The following ERC2 variants were observed in gnomAD, a reference collection of about 807,000 sequenced individuals.
ERC2 encodes ELKS/RAB6-interacting/CAST family member 2.
In ERC2, 42 loss-of-function variants were observed where a neutral mutation model predicts 114.8. The ratio of observed to expected loss-of-function variants is 0.37; its 90% CI spans 0.29 to 0.47. The LOEUF (loss-of-function observed/expected upper bound fraction) is 0.47, where lower values mean the gene tolerates loss of function less well. Among genes scored for constraint, ERC2 ranks in the 20% least tolerant of loss-of-function variants. The probability of loss-of-function intolerance (pLI) is 0.99; values close to 1 mark genes in which losing one functional copy is unlikely to be tolerated. For synonymous variants in ERC2, 454 were observed against 425.5 expected (o/e 1.07, Z -0.82); for missense variants, 939 against 1,150.7 (o/e 0.82, Z 2.66).
chr3:56,081,992 C>T (rs1457617383), intron 6 of ERC2, among the ~76,000 whole-genome samples: 1 of 152,140 alleles, frequency 6.6e-6, no homozygotes, highest in Non-Finnish European at 1.5e-5. Context: ...CAATGACAGA[C>T]TATGAGATTT....
intron 14 of ERC2, among the ~76,000 whole-genome samples, chr3:55,875,724 A>ACACACACACACACACACACACACTCT (rs1491351730): frequency 1.4e-5 from 2 of 141,022 alleles, no homozygotes; most frequent in African/African-American, 5.5e-5. Flanking sequence ...ACACACACAC[A>ACACACACACACACACACACACACTCT]CTCTCTCTCT....
chr3:55,822,802 A>T (rs1450699913), intron 14 of ERC2, among the ~76,000 whole-genome samples: 1 of 151,800 alleles, frequency 6.6e-6, no homozygotes, highest in African/African-American at 2.4e-5. Flanking sequence ...TTTGGTAGAG[A>T]CGGGGTTTCA....
chr3:55,991,014 G>C (rs371317033), intron 11 of ERC2, among the ~76,000 whole-genome samples: 20 of 152,294 alleles, frequency 1.3e-4, no homozygotes, highest in African/African-American at 4.8e-4. Flanking sequence ...AGGATCACTT[G>C]AGCCTAGAAC....
chr3:56,076,167 C>T (rs1425353927), intron 7 of ERC2, among the ~76,000 whole-genome samples: 1 of 152,128 alleles, frequency 6.6e-6, no homozygotes. Context: ...AGAGAGATCG[C>T]CATCTGTTTT....
chr3:56,294,959 A>T (rs61248828), intron 3 of ERC2, among the ~76,000 whole-genome samples: 9,250 of 152,264 alleles, frequency 0.061, 676 homozygotes, highest in African/African-American at 0.17. Flanking sequence ...TTGCAGACAC[A>T]AAAGTCTTTT....
chr3:55,733,527 TTCTTTC>T (rs1245924415), intron 15 of ERC2, among the ~76,000 whole-genome samples: 4,365 of 95,418 alleles, frequency 0.046, 140 homozygotes, highest in South Asian at 0.078. Flanking sequence ...CTGTCTCTCA[TTCTTTC>T]TCTCTCTCTC....
chr3:55,669,356 A>G (rs1428536262), intron 17 of ERC2, among the ~76,000 whole-genome samples: 2 of 152,210 alleles, frequency 1.3e-5, no homozygotes, highest in Non-Finnish European at 2.9e-5. Context: ...CCTCTCTAAG[A>G]ATACACCAAA....
chr3:56,384,384 T>G (rs192238800), intron 2 of ERC2, among the ~76,000 whole-genome samples: 1 of 152,186 alleles, frequency 6.6e-6, no homozygotes, highest in Non-Finnish European at 1.5e-5. Context: ...TTTTTTGTAA[T>G]AGCCATCTTA....
intron 6 of ERC2, among the ~76,000 whole-genome samples, chr3:56,112,355 G>A (rs2079004917): frequency 1.3e-5 from 2 of 151,894 alleles, no homozygotes; most frequent in South Asian, 4.2e-4. Flanking sequence ...AAACTTTTAA[G>A]TCATATTTAA....
chr3:55,623,589 T>C (rs1171757505), intron 17 of ERC2, among the ~76,000 whole-genome samples: 1 of 152,190 alleles, frequency 6.6e-6, no homozygotes, highest in Non-Finnish European at 1.5e-5. Context: ...ACCTCAGTCA[T>C]GCCTGGTCAC....
rs116989328 is a variant in ERC2 at position 56,223,495 on chromosome 3, C to G, written c.1075-49975G>C. Among the ~76,000 whole-genome samples, 378 of 122,152 alleles carry G rather than the reference C, an allele frequency of 3.1e-3. 1 individual carries two copies. The highest frequency in any genetic ancestry group is 0.021 in the South Asian group (78 of 3,664). The allele number at this position is 122,152 out of a possible 152,430, so 80.1% of individuals were successfully genotyped here. ...TGAATTAATAAAAGGACAACAAACT[C>G]AAAGGCTACCAAAGAAAAATGGCAA... On this transcript the variant is annotated intron_variant, in intron 3 of 17. Transcript: ENST00000288221.
chr3:55,615,784 A>G (rs1242142824), intron 17 of ERC2, among the ~76,000 whole-genome samples: 2 of 152,228 alleles, frequency 1.3e-5, no homozygotes, highest in Non-Finnish European at 2.9e-5. Context: ...GAAGCAATTC[A>G]GCAGAGGCCT....
chr3:56,404,990 G>T (rs966121716), intron 2 of ERC2, among the ~76,000 whole-genome samples: 2 of 152,156 alleles, frequency 1.3e-5, no homozygotes, highest in African/African-American at 4.8e-5. Context: ...GGGTGGGAAG[G>T]TTTGGGAGAA....
At position 56,076,297 on chromosome 3, in the gene ERC2, G is replaced by C. The variant is rs568314904; in HGVS notation, c.1641+4520C>G. Among the ~76,000 whole-genome samples, 3 of 152,252 alleles carry C rather than the reference G, an allele frequency of 2.0e-5. No homozygotes were observed. In the South Asian group the frequency reaches 6.2e-4, roughly 32 times the overall value. On this transcript the variant is annotated intron_variant, in intron 7 of 17. Transcript: ENST00000288221. ...AATTTTAATGGGTTTAAAAAAATTCGTGGGTAGCAAGTTTATGCTGTAAGA... is the reference window on the plus strand; with the variant it reads ...AATTTTAATGGGTTTAAAAAAATTCCTGGGTAGCAAGTTTATGCTGTAAGA...
At chr3:56,278,912 C>G (rs569328817) in intron 3 of ERC2, among the ~76,000 whole-genome samples, 2 of 152,292 alleles carry the variant, frequency 1.3e-5, no homozygotes, top group African/African-American at 4.8e-5. Flanking sequence ...AAACACTTCC[C>G]ACTATGCCCC....
intron 3 of ERC2, among the ~76,000 whole-genome samples, chr3:56,218,265 T>C (rs979797496): frequency 6.6e-6 from 1 of 151,968 alleles, no homozygotes; most frequent in Non-Finnish European, 1.5e-5. Flanking sequence ...ATATCCAGAA[T>C]CTACAAAGAA....
chr3:55,699,617 T>C (rs2063119940), intron 15 of ERC2, 105 bp from the exon 16 acceptor site: 2 of 1,236,450 alleles, frequency 1.6e-6, no homozygotes, highest in Non-Finnish European at 1.1e-6. Context: ...TTGTTCCTAA[T>C]TCAGGAATTT....
chr3:55,574,533 G>A (rs2056879019), intron 17 of ERC2, among the ~76,000 whole-genome samples: 1 of 152,076 alleles, frequency 6.6e-6, no homozygotes, highest in Non-Finnish European at 1.5e-5. Flanking sequence ...CTGGGATGGG[G>A]GGAGATAAAA....
chr3:56,179,289 G>T (rs546110118), intron 3 of ERC2, among the ~76,000 whole-genome samples: 1 of 152,158 alleles, frequency 6.6e-6, no homozygotes, highest in Admixed American at 6.5e-5. Context: ...TAAGTAGAAA[G>T]CCAAAGAAGT....
Sources: gnomAD v4.1 joint callset for allele counts (sites outside exome capture counted in the v4.1 genomes callset) on GRCh38, gnomAD v4.1.1 for gene constraint, MANE v1.5 for transcripts, NCBI Gene and HGNC (gene_info 2026-07-23, HGNC 2026-07-21) for gene names.